ADAMTS12: variants seen among roughly 807,000 people sequenced by gnomAD.
ADAMTS12 encodes the protein A disintegrin and metalloproteinase with thrombospondin motifs 12.
ADAMTS12 carries 118 observed loss-of-function variants against 167.8 expected under a neutral mutation model. That is an observed-to-expected ratio of 0.70 (90% CI 0.61 to 0.82). The LOEUF (loss-of-function observed/expected upper bound fraction) is 0.82. Among genes scored for constraint, ADAMTS12 ranks in the 40% least tolerant of loss-of-function variants. ADAMTS12 has a pLI of 0.00. For synonymous variants in ADAMTS12, 704 were observed against 716.9 expected, an observed-to-expected ratio of 0.98 and a Z score of 0.29; for missense variants, 1,916 against 1,998.8, an observed-to-expected ratio of 0.96 and a Z score of 0.79.
At chr5:33,875,732 T>C (rs923928677) in intron 2 of ADAMTS12, among the ~76,000 whole-genome samples, 3 of 152,198 alleles carry the variant, frequency 2.0e-5, no homozygotes, top group Non-Finnish European at 4.4e-5. Context: ...GAATGCCTTC[T>C]CCCTAAGACT....
intron 7 of ADAMTS12, among the ~76,000 whole-genome samples, chr5:33,655,095 A>G (rs541743830): frequency 6.6e-6 from 1 of 152,214 alleles, no homozygotes; most frequent in African/African-American, 2.4e-5. Context: ...CATCATACTT[A>G]GTAGACGGCA....
rs555111827 is a variant in ADAMTS12 at position 33,643,413 on chromosome 5, C to T, written c.1537G>A (p.Ala513Thr). ...CCACATTGAGTTCCATCTGCAGCAG[C>T]GTCCAGCTTAGAGCGACAAAAGCCC... ...VKGFCRSKLD[A>T]AADGTQCGEK... Residue 513 changes from alanine (A) to threonine (T), a missense_variant, in exon 10 of 24, where the codon GCT becomes ACT. Ala to Thr is a moderately conservative substitution (Grantham distance 58). Transcript: ENST00000504830. 1.1e-5 allele frequency: 17 copies of T among 1,614,156 alleles called. No homozygotes were observed. In the South Asian group the frequency reaches 1.4e-4, roughly 14 times the overall value.
chr5:33,872,462 G>A (rs758762258), intron 2 of ADAMTS12, among the ~76,000 whole-genome samples: 5 of 151,692 alleles, frequency 3.3e-5, no homozygotes, highest in South Asian at 2.1e-4. Flanking sequence ...TAGGAGAATC[G>A]CTTGAACTCG....
intron 20 of ADAMTS12, among the ~76,000 whole-genome samples, chr5:33,556,832 T>A (rs1745507092): frequency 6.6e-6 from 1 of 152,164 alleles, no homozygotes. Context: ...CATGCAGCTG[T>A]GTGTGGGAGC....
In ADAMTS12 at chr5:33,523,801, CA is replaced by C. The variant is rs1743687101; in HGVS notation, c.*3386del. 6.6e-6 allele frequency: 1 copy of C among 152,150 alleles called. No individual in the cohort carries two copies. Among genetic ancestry groups the C allele is most frequent in the Non-Finnish European group, 1.5e-5 (1 of 68,036 alleles). The allele number at this position is 152,150 out of a possible 1,614,324, so 9.4% of individuals were successfully genotyped here. ...ATACTACTTGAATAAGCAGTACAGA[CA>C]ACAGGAGTAGCATCAAATATGTTAG... On this transcript the variant is annotated 3_prime_UTR_variant, in exon 24 of 24. Coordinates refer to ENST00000504830, the MANE Select transcript of ADAMTS12 (RefSeq NM_030955.4).
Position 33,835,943 on chromosome 5 carries a change from CTCTCTCTCTCTGTGTGTG to C in ADAMTS12, c.489+45158_489+45175del, listed in dbSNP as rs1447142054. 5.1e-4 allele frequency among the ~76,000 whole-genome samples: 24 copies of C among 46,696 alleles called. 1 individual carries two copies. Among genetic ancestry groups the C allele is most frequent in the African/African-American group, 1.2e-3 (20 of 16,324 alleles). The allele number at this position is 46,696 out of a possible 152,430, so 30.6% of individuals were successfully genotyped here. ...TCTCTCTCTCTCTCTCTCTCTCTCTCTCTCTCTCTCTGTGTGTGTGTGTGTGTCCATCTGGGCAGTTTA... is the reference window on the plus strand; with the variant it reads ...TCTCTCTCTCTCTCTCTCTCTCTCTCTGTGTGTGTCCATCTGGGCAGTTTA... On this transcript the variant is annotated intron_variant, in intron 2 of 23. Transcript: ENST00000504830.
chr5:33,669,433 A>G (rs2112233195), intron 5 of ADAMTS12, among the ~76,000 whole-genome samples: 2 of 152,294 alleles, frequency 1.3e-5, no homozygotes, highest in Middle Eastern at 6.8e-3. Flanking sequence ...TCCTGTACCA[A>G]TAGGTAAAGT....
At chr5:33,849,362 T>TAGCAATATATATATGTATTGCAC (rs1749104748) in intron 2 of ADAMTS12, among the ~76,000 whole-genome samples, 11 of 136,396 alleles carry the variant, frequency 8.1e-5, no homozygotes, top group South Asian at 2.4e-4. Context: ...ATGTATTGAA[T>TAGCAATATATATATGTATTGCAC]AGCAATATAT....
intron 5 of ADAMTS12, among the ~76,000 whole-genome samples, chr5:33,664,838 G>A (rs569059553): frequency 6.6e-6 from 1 of 152,220 alleles, no homozygotes; most frequent in Admixed American, 6.5e-5. Context: ...AGAGATACCT[G>A]CCATGTTCAC....
chr5:33,650,499 G>C (rs1479096147), intron 7 of ADAMTS12, among the ~76,000 whole-genome samples: 3 of 152,150 alleles, frequency 2.0e-5, no homozygotes, highest in Admixed American at 2.0e-4. Flanking sequence ...ATATGAAAAA[G>C]TTTAGACTTT....
intron 3 of ADAMTS12, among the ~76,000 whole-genome samples, chr5:33,701,617 T>C (rs1371821535): frequency 6.6e-6 from 1 of 152,084 alleles, no homozygotes; most frequent in Admixed American, 6.6e-5. Flanking sequence ...AAATATAAAA[T>C]ACAATTAAAC....
chr5:33,540,956 A>T (rs1326653445), intron 22 of ADAMTS12, among the ~76,000 whole-genome samples: 2 of 152,256 alleles, frequency 1.3e-5, no homozygotes, highest in African/African-American at 4.8e-5. Context: ...CCTCACCAGC[A>T]CTGGAACAAA....
chr5:33,669,292 C>T (rs10461706), intron 5 of ADAMTS12, among the ~76,000 whole-genome samples: 145,205 of 152,270 alleles, frequency 0.95, 69,617 homozygotes, highest in Non-Finnish European at 1. Context: ...TTCTTTTGTT[C>T]GTTGTAATGA....
In ADAMTS12 at chr5:33,614,218, T is replaced by C; in HGVS notation, c.2527+20A>G. 6.2e-7 allele frequency: 1 copy of C among 1,611,206 alleles called. No homozygotes were observed. The highest frequency in any genetic ancestry group is 8.5e-7 in the Non-Finnish European group (1 of 1,178,370). ...CTCTGAGGCTGGCATGGCTTCATAG[T>C]GAGAGCAGCTGTTTCTCACCTGTCC... On this transcript the variant is annotated intron_variant, in intron 16 of 23. Transcript: ENST00000504830.
chr5:33,682,143 T>A (rs1169014788), intron 5 of ADAMTS12, among the ~76,000 whole-genome samples: 1 of 152,216 alleles, frequency 6.6e-6, no homozygotes, highest in East Asian at 1.9e-4. Flanking sequence ...AGATGACACG[T>A]ATTTTGGAAG....
chr5:33,664,792 GGT>G (rs1404934509), intron 5 of ADAMTS12, among the ~76,000 whole-genome samples: 1 of 151,868 alleles, frequency 6.6e-6, no homozygotes, highest in Non-Finnish European at 1.5e-5. Context: ...AATCCCATGG[GGT>G]ATATATCCTA....
chr5:33,584,345 T>C (rs1747225708), intron 18 of ADAMTS12, among the ~76,000 whole-genome samples: 1 of 152,190 alleles, frequency 6.6e-6, no homozygotes, highest in South Asian at 2.1e-4. Context: ...TTTGTTTTTA[T>C]AGATGCAATG....
intron 2 of ADAMTS12, among the ~76,000 whole-genome samples, chr5:33,811,171 A>G (rs1747447653): frequency 6.6e-6 from 1 of 152,220 alleles, no homozygotes; most frequent in Admixed American, 6.5e-5. Context: ...CTCATAGAGT[A>G]ATATCAAATT....
At chr5:33,760,879 CTGTGTGTGTGTGTGTGTGTGTGTG>C (rs61110268) in intron 2 of ADAMTS12, among the ~76,000 whole-genome samples, 1 of 145,468 alleles carries the variant, frequency 6.9e-6, no homozygotes, top group Non-Finnish European at 1.5e-5. Context: ...TGTCTTTGCT[CTGTGTGTGTGTGTGTGTGTGTGTG>C]TGTGTGTGTG....
Sources: allele counts gnomAD v4.1 joint callset (sites outside exome capture counted in the v4.1 genomes callset), GRCh38; gene constraint gnomAD v4.1.1; transcripts MANE v1.5; gene names NCBI Gene and HGNC (gene_info 2026-07-23, HGNC 2026-07-21).